UBP1: variants seen among roughly 807,000 people sequenced by gnomAD.
UBP1 encodes the protein upstream-binding protein 1.
UBP1 carries 22 observed loss-of-function variants against 76.1 expected under a neutral mutation model. The ratio of observed to expected loss-of-function variants is 0.29; its 90% CI spans 0.21 to 0.41. The LOEUF is 0.41. Among genes scored for constraint, UBP1 ranks in the 10% least tolerant of loss-of-function variants. The pLI is 1.00. For synonymous variants in UBP1, 224 were observed against 237.1 expected (o/e 0.94, Z 0.51); for missense variants, 436 against 668.1 (o/e 0.65, Z 3.83).
intron 3 of UBP1, chr3:33,416,075 C>G (rs2044720401): frequency 6.6e-6 from 1 of 152,190 alleles, no homozygotes. Context: ...GAGGGCCCAG[C>G]AGCACCTGGG....
chr3:33,441,035 G>C (rs564722999), upstream of UBP1: 2 of 152,236 alleles, frequency 1.3e-5, no homozygotes, highest in Non-Finnish European at 2.9e-5. Context: ...TTGCATTGCC[G>C]AGAGCAGCTT....
At chr3:33,419,700 T>C (rs897883275) in intron 2 of UBP1, among the ~76,000 whole-genome samples, 3 of 151,960 alleles carry the variant, frequency 2.0e-5, no homozygotes, top group East Asian at 3.8e-4. Flanking sequence ...GGTTTCCCTA[T>C]TGGAAACTAT....
intron 1 of UBP1, among the ~76,000 whole-genome samples, chr3:33,426,031 A>G (rs1219274730): frequency 1.2e-5 from 1 of 83,790 alleles, no homozygotes; most frequent in Non-Finnish European, 2.3e-5. Context: ...ATATATATAT[A>G]TATATATAGC....
At chr3:33,412,531 C>T (rs2044616695) in intron 4 of UBP1, among the ~76,000 whole-genome samples, 191 bp downstream of exon 4, 1 of 146,534 alleles carries the variant, frequency 6.8e-6, no homozygotes, top group South Asian at 2.2e-4. Flanking sequence ...TGCAGTGAGC[C>T]AAGACTGTGC....
chr3:33,408,227 C>T (rs1450432226), intron 8 of UBP1, among the ~76,000 whole-genome samples: 1 of 152,134 alleles, frequency 6.6e-6, no homozygotes, highest in Non-Finnish European at 1.5e-5. Context: ...GTGTTAATGT[C>T]AAGCTTGCTG....
At chr3:33,399,505 A>C (rs2044140420) in intron 11 of UBP1, among the ~76,000 whole-genome samples, 1 of 152,202 alleles carries the variant, frequency 6.6e-6, no homozygotes, top group African/African-American at 2.4e-5. Flanking sequence ...ACTGATAAAC[A>C]CAACAACTTA....
intron 1 of UBP1, among the ~76,000 whole-genome samples, chr3:33,436,132 C>T (rs112606047): frequency 4.9e-4 from 74 of 152,192 alleles, no homozygotes; most frequent in Middle Eastern, 6.8e-3. Flanking sequence ...TTTTTTTTAA[C>T]TTTTTAAAAA....
intron 2 of UBP1, among the ~76,000 whole-genome samples, chr3:33,422,299 G>A (rs2044915285): frequency 1.3e-5 from 2 of 152,014 alleles, no homozygotes; most frequent in East Asian, 1.9e-4. Flanking sequence ...CAGCTACTCA[G>A]AAGGCCTGAG....
chr3:33,397,301 G>A, intron 11 of UBP1, 166 bp from the exon 12 acceptor site: 1 of 497,794 alleles, frequency 2.0e-6, no homozygotes, highest in Non-Finnish European at 3.4e-6. Context: ...CTGTCCTTCA[G>A]AGCCAAGGAA....
At chr3:33,411,487 A>G in intron 5 of UBP1, 94 bp downstream of exon 5, 1 of 1,038,234 alleles carries the variant, frequency 9.6e-7, no homozygotes. Flanking sequence ...TTATAAATAG[A>G]CATTTAAAGG....
chr3:33,401,244 T>G (rs748473443), intron 9 of UBP1, among the ~76,000 whole-genome samples: 70 of 152,206 alleles, frequency 4.6e-4, no homozygotes, highest in Admixed American at 9.8e-4. Flanking sequence ...CTTCTTCATC[T>G]GTACTAGTAA....
chr3:33,422,776 G>T (rs1422528377), intron 2 of UBP1, among the ~76,000 whole-genome samples: 1 of 121,662 alleles, frequency 8.2e-6, no homozygotes, highest in African/African-American at 3.1e-5. Context: ...GGGAGAAAGG[G>T]GGAGAAGAGA....
intron 2 of UBP1, among the ~76,000 whole-genome samples, chr3:33,421,967 C>T (rs1391159808): frequency 6.6e-6 from 1 of 152,160 alleles, no homozygotes; most frequent in Non-Finnish European, 1.5e-5. Context: ...TCCCTTGAGC[C>T]TGGGTGGCAG....
chr3:33,396,029 G>C (rs900989573), intron 13 of UBP1, 133 bp downstream of exon 13: 1 of 722,122 alleles, frequency 1.4e-6, no homozygotes, highest in Non-Finnish European at 2.1e-6. Context: ...TCTCATTGCT[G>C]TCAAGGCTCC....
intron 1 of UBP1, among the ~76,000 whole-genome samples, chr3:33,427,551 A>G (rs2045039033): frequency 6.6e-6 from 1 of 152,330 alleles, no homozygotes; most frequent in Non-Finnish European, 1.5e-5. Flanking sequence ...TCACTAAGAT[A>G]CTTGGGTAGC....
chr3:33,433,941 A>G (rs983876056), intron 1 of UBP1, among the ~76,000 whole-genome samples: 1 of 152,114 alleles, frequency 6.6e-6, no homozygotes, highest in East Asian at 1.9e-4. Context: ...AATAATAATA[A>G]TAGTATCAGT....
chr3:33,418,795 GTTGCAGTAAGCTGAGA>G lies in UBP1; in HGVS notation c.266-1977_266-1962del, dbSNP rs1339020615. On this transcript the variant is annotated intron_variant, in intron 2 of 15. Coordinates refer to ENST00000283629, the MANE Select transcript of UBP1 (RefSeq NM_014517.5). ...AATCGCTTGAACCTGGGAGGCGGAG[GTTGCAGTAAGCTGAGA>G]TTGCACCGCTGCACTACAGCCCAGG... 3.4e-5 allele frequency among the ~76,000 whole-genome samples: 5 copies of G among 148,844 alleles called. No homozygotes were observed. The Admixed American group carries it at 3.4e-4, about 10-fold the overall frequency.
chr3:33,432,878 A>T (rs925175080), intron 1 of UBP1, among the ~76,000 whole-genome samples: 3 of 152,230 alleles, frequency 2.0e-5, no homozygotes, highest in Non-Finnish European at 4.4e-5. Flanking sequence ...CTCTGGTTGT[A>T]TAAGTAGGAG....
At chr3:33,437,283 CTCAT>C (rs1192121252) in intron 1 of UBP1, among the ~76,000 whole-genome samples, 1 of 151,988 alleles carries the variant, frequency 6.6e-6, no homozygotes. Flanking sequence ...AGAAGGGGGT[CTCAT>C]TCTTGCCCAG....
Sources: allele counts gnomAD v4.1 joint callset (sites outside exome capture counted in the v4.1 genomes callset), GRCh38; gene constraint gnomAD v4.1.1; transcripts MANE v1.5; gene names NCBI Gene and HGNC (gene_info 2026-07-23, HGNC 2026-07-21).